TNPO2: variants seen among roughly 807,000 people sequenced by gnomAD.
TNPO2 encodes transportin-2.
Under a neutral mutation model 111.1 loss-of-function variants are expected in TNPO2, and 16 were observed. The observed-to-expected ratio is 0.14, with a 90% CI of 0.10 to 0.22. The LOEUF is 0.22. Ranked by LOEUF, TNPO2 falls within the 10% of genes least tolerant of loss-of-function variation. The pLI is 1.00. For missense variants in TNPO2, 530 were observed against 1,173.7 expected, an observed-to-expected ratio of 0.45 and a Z score of 8.01; for synonymous variants, 481 against 475.8, an observed-to-expected ratio of 1.01 and a Z score of -0.14.
At chr19:12,710,959 AT>A (rs1317469394) in intron 12 of TNPO2, among the ~76,000 whole-genome samples, 186 bp from the exon 13 acceptor site, 1 of 151,884 alleles carries the variant, frequency 6.6e-6, no homozygotes, top group Non-Finnish European at 1.5e-5. Flanking sequence ...CAGTGGCGCT[AT>A]CTCGGCTCAC....
chr19:12,714,931 C>T lies in TNPO2; in HGVS notation c.780G>A (p.Leu260=), dbSNP rs1262245401. 3 of 1,612,190 alleles carry T rather than the reference C, an allele frequency of 1.9e-6. No homozygotes were observed. Among genetic ancestry groups the T allele is most frequent in the Admixed American group, 3.4e-5 (2 of 59,394 alleles). The part of the protein sequence containing the change: ...PHMHSIIQYM[L]QRTQDHDENV... ...TCTCATCATGGTCCTGGGTCCTCTG[C>T]AGCATGTACTGTGGTAGGGGGGAGA... Residue 260 remains leucine, a synonymous_variant, in exon 10 of 26, where the codon CTG becomes CTA. Transcript: ENST00000425528.
chr19:12,720,924 T>C lies in TNPO2; in HGVS notation c.54A>G (p.Lys18=), dbSNP rs1295327705. 1 of 1,604,876 alleles carries C rather than the reference T, an allele frequency of 6.2e-7. No homozygotes were observed. Residue 18 remains lysine (K), a synonymous_variant, in exon 3 of 26, where the codon AAA becomes AAG. Transcript: ENST00000425528. ...TGGCTGTGTTGGGCGACTGTGAGTC[T>C]TTGAGCAGCTGCAGGACCTGCTGCA... ...QGLQQVLQLL[K]DSQSPNTATQ... is the part of the protein sequence containing the mutation.
At position 12,703,601 on chromosome 19, in the gene TNPO2, C is replaced by T. The variant is rs2025457237; in HGVS notation, c.2111-75G>A. 10 of 1,574,552 alleles carry T rather than the reference C, an allele frequency of 6.4e-6. No homozygotes were observed. The South Asian group carries it at 1.0e-4, about 16-fold the overall frequency. On this transcript the variant is annotated intron_variant, in intron 19 of 25. Transcript: ENST00000425528. ...CTGCAGGACCTAGTCCAGCAGGCCCCATCAGACAGTACGAATACATCCCAA... is the reference window on the plus strand; with the variant it reads ...CTGCAGGACCTAGTCCAGCAGGCCCTATCAGACAGTACGAATACATCCCAA...
intron 13 of TNPO2, among the ~76,000 whole-genome samples, chr19:12,708,664 C>T (rs2025848925): frequency 6.6e-6 from 1 of 151,456 alleles, no homozygotes; most frequent in Non-Finnish European, 1.5e-5. Flanking sequence ...GTCAGGAGTT[C>T]GAAACCAGCT....
At position 12,705,560 on chromosome 19, in the gene TNPO2, G is replaced by A; in HGVS notation, c.1795C>T (p.Leu599=). The stretch of plus-strand genomic sequence containing the variant: ...TGGTAGACGGGCTCACAGTAAGGCA[G>A]GAAGCCACTCTGCAGGGCGGTGGCC... ...SVATALQSGF[L]PYCEPVYQRC... is the part of the protein sequence containing the mutation. The change falls in exon 17 of 26, where the codon CTG becomes TTG. Residue 599 remains leucine (L), a synonymous_variant. Transcript: ENST00000425528. This position sits in a 1 kb window ranked among gnomAD's most constrained non-coding sequence, Gnocchi z 7.2. 6.2e-7 allele frequency: 1 copy of A among 1,605,912 alleles called. No individual in the cohort carries two copies. Among genetic ancestry groups the A allele is most frequent in the Non-Finnish European group, 8.5e-7 (1 of 1,176,882 alleles).
Position 12,702,808 on chromosome 19 carries a change from G to T in TNPO2, c.2305+15C>A. ...GCAGGCAGGGGTGCAGGCAGCAGCC[G>T]GGCCAGGTGCCCACCTGTGTTTTCC... On this transcript the variant is annotated intron_variant, in intron 21 of 25. Coordinates refer to ENST00000425528, the MANE Select transcript of TNPO2 (RefSeq NM_001382241.1). This position sits in a 1 kb window ranked among gnomAD's most constrained non-coding sequence, Gnocchi z 5.5. 1 of 1,612,082 alleles carries T rather than the reference G, an allele frequency of 6.2e-7. No individual in the cohort carries two copies. The highest frequency in any genetic ancestry group is 8.5e-7 in the Non-Finnish European group (1 of 1,178,240).
Position 12,710,631 on chromosome 19 carries a change from G to A in TNPO2, c.1260C>T (p.Ala420=). The change falls in exon 13 of 26, where the codon GCC becomes GCT. Residue 420 remains alanine (A), a synonymous_variant. Transcript: ENST00000425528. Reference sequence around the variant, plus strand: ...ATCAGGCGCACTCACCCTCAGCAATGGCGCCCAGCACCAGGATGCCCGACT... The same window carrying A: ...ATCAGGCGCACTCACCCTCAGCAATAGCGCCCAGCACCAGGATGCCCGACT... ...VKESGILVLG[A]IAEGCMQGMV... is the part of the protein sequence containing the mutation. The A allele has an allele frequency of 6.2e-7, 1 of 1,613,382 alleles. No homozygotes were observed. Among genetic ancestry groups the A allele is most frequent in the Non-Finnish European group, 8.5e-7 (1 of 1,179,710 alleles).
chr19:12,700,108 T>C lies in TNPO2; in HGVS notation c.*1156A>G, dbSNP rs2025203067. 3 of 152,094 alleles carry C rather than the reference T, an allele frequency of 2.0e-5. No homozygotes were observed. Among genetic ancestry groups the C allele is most frequent in the Non-Finnish European group, 4.4e-5 (3 of 68,024 alleles). The allele number at this position is 152,094 out of a possible 1,614,324, so 9.4% of individuals were successfully genotyped here. ...TAGGATCTCTGGGCTCACTGGGTAC[T>C]ATGATGAGCAGGAAGTCCCAGGGAG... On this transcript the variant is annotated 3_prime_UTR_variant, in exon 26 of 26. Coordinates refer to ENST00000425528, the MANE Select transcript of TNPO2 (RefSeq NM_001382241.1).
At position 12,707,977 on chromosome 19, in the gene TNPO2, C is replaced by T. The variant is rs536808185; in HGVS notation, c.1271-1182G>A. Among the ~76,000 whole-genome samples, 21 of 152,128 alleles carry T rather than the reference C, an allele frequency of 1.4e-4. 1 individual carries two copies. The highest frequency in any genetic ancestry group is 4.8e-4 in the African/African-American group (20 of 41,490). ...CTGGGACTACAGGCGTGGGCCACCA[C>T]GTGTGGCTAATTTTTCATATTTTTA... On this transcript the variant is annotated intron_variant, in intron 13 of 25. Coordinates refer to ENST00000425528, the MANE Select transcript of TNPO2 (RefSeq NM_001382241.1).
rs139116796 is a variant in TNPO2, at chr19:12,711,381, T to C, written c.1032A>G (p.Thr344=). 2,225 of 1,614,020 alleles carry C rather than the reference T, an allele frequency of 1.4e-3. 32 individuals are homozygous for C. The African/African-American group carries it at 0.025, about 18-fold the overall frequency. Residue 344 remains threonine (T), a synonymous_variant, in exon 12 of 26, where the codon ACA becomes ACG. Transcript: ENST00000425528. ...KPRFHKSRTV[T]LPHEAERPDG... ...CAGGCCGCTCAGCCTCGTGGGGCAG[T>C]GTGACCGTGCGTGACTTGTGGAAGC...
rs1029971248 is a variant in TNPO2 at position 12,701,092 on chromosome 19, GTGGACGGA to G, written c.*164_*171del. ...CCCCACCCACCTGCCAGGAGGGCAA[GTGGACGGA>G]TGGACGGACGGACGGACGGACGGGG... On this transcript the variant is annotated 3_prime_UTR_variant, in exon 26 of 26. Coordinates refer to ENST00000425528, the MANE Select transcript of TNPO2 (RefSeq NM_001382241.1). The surrounding 1 kb of genome is among the most constrained non-coding windows in gnomAD (Gnocchi z 5.0). 2 of 432,360 alleles carry G rather than the reference GTGGACGGA, an allele frequency of 4.6e-6. No homozygotes were observed. Among genetic ancestry groups the G allele is most frequent in the African/African-American group, 4.0e-5 (2 of 49,528 alleles). 26.8% of individuals were successfully genotyped at this position (432,360 alleles called of 1,614,324 possible).
At chr19:12,718,982 G>A (rs374502315) in intron 5 of TNPO2, 47 bp downstream of exon 5, 4 of 1,606,800 alleles carry the variant, frequency 2.5e-6, no homozygotes, top group Non-Finnish European at 3.4e-6. Flanking sequence ...GCTGAGAAGT[G>A]AGAGTTCAGT....
At chr19:12,710,545 C>A (rs2145540370) in intron 13 of TNPO2, 76 bp downstream of exon 13, 17 of 1,519,504 alleles carry the variant, frequency 1.1e-5, no homozygotes, top group Non-Finnish European at 1.5e-5. Context: ...AGAACTGAGG[C>A]ATTGGTGTGG....
chr19:12,702,013 G>T lies in TNPO2; in HGVS notation c.2411+59C>A. Reference sequence around the variant, plus strand: ...GATGGGGCTGGAAATGCACAGGCGAGGGAGGGGGTTGGGCCAGTCCCGCCC... The same window carrying T: ...GATGGGGCTGGAAATGCACAGGCGATGGAGGGGGTTGGGCCAGTCCCGCCC... On this transcript the variant is annotated intron_variant, in intron 22 of 25. Transcript: ENST00000425528. This position sits in a 1 kb window ranked among gnomAD's most constrained non-coding sequence, Gnocchi z 5.5. 6.5e-7 allele frequency: 1 copy of T among 1,543,314 alleles called. No homozygotes were observed. The highest frequency in any genetic ancestry group is 1.1e-5 in the South Asian group (1 of 89,558).
intron 18 of TNPO2, among the ~76,000 whole-genome samples, chr19:12,704,741 G>A (rs1568332264): frequency 6.6e-6 from 1 of 151,590 alleles, no homozygotes; most frequent in African/African-American, 2.4e-5. Context: ...GGAGTGCAGT[G>A]GCATGATCTC....
intron 12 of TNPO2, 78 bp from the exon 13 acceptor site, chr19:12,710,851 G>T: frequency 7.5e-7 from 1 of 1,334,904 alleles, no homozygotes; most frequent in African/African-American, 1.5e-5. Context: ...TGCACTCCCA[G>T]GATCAGAGAT....
chr19:12,708,866 C>T (rs183611179), intron 13 of TNPO2, among the ~76,000 whole-genome samples: 67 of 151,146 alleles, frequency 4.4e-4, no homozygotes, highest in Non-Finnish European at 5.5e-4. Flanking sequence ...AGCAAAACTC[C>T]GTCTCAAAAA....
rs150853628 is a variant in TNPO2, at chr19:12,721,813, T to C, written c.-13-823A>G. 2.7e-3 allele frequency: 420 copies of C among 154,348 alleles called. 1 individual carries two copies. Among genetic ancestry groups the C allele is most frequent in the Non-Finnish European group, 4.4e-3 (308 of 69,314 alleles). 9.6% of individuals were successfully genotyped at this position (154,348 alleles called of 1,614,324 possible). A position where few individuals can be genotyped will look rare whatever the true frequency, so the allele number is the denominator to read the frequency against. On this transcript the variant is annotated intron_variant, in intron 2 of 25. Transcript: ENST00000425528. The surrounding 1 kb of genome is among the most constrained non-coding windows in gnomAD (Gnocchi z 4.9). The stretch of plus-strand genomic sequence containing the variant: ...AAATTCCCTCCGACCCTGTCAGCAG[T>C]AACCCCTGCTGACGGATCTCTGTTG...
Sources: allele counts gnomAD v4.1 joint callset (sites outside exome capture counted in the v4.1 genomes callset), GRCh38; gene constraint gnomAD v4.1.1; non-coding constraint Gnocchi (gnomAD v3.1); transcripts MANE v1.5; gene names NCBI Gene and HGNC (gene_info 2026-07-23, HGNC 2026-07-21).